HMGXB4: variants seen among roughly 807,000 people sequenced by gnomAD.
HMGXB4 encodes HMG-box containing 4.
HMGXB4 carries 27 observed loss-of-function variants against 63.9 expected under a neutral mutation model. That is an observed-to-expected ratio of 0.42 (90% confidence interval 0.31 to 0.58). The LOEUF is 0.58. HMGXB4 is among the 20% of genes least tolerant of loss of function. The pLI is 0.13. For missense variants in HMGXB4, 624 were observed against 700.7 expected, an observed-to-expected ratio of 0.89 and a Z score of 1.24; for synonymous variants, 264 against 265.3, an observed-to-expected ratio of 0.99 and a Z score of 0.05.
At chr22:35,263,771 T>C in intron 3 of HMGXB4, 25 bp from the exon 4 acceptor site, 1 of 1,535,776 alleles carries the variant, frequency 6.5e-7, no homozygotes, top group South Asian at 1.1e-5. Flanking sequence ...CATCTTATTA[T>C]TGGTCAATTC....
chr22:35,281,317 A>G (rs1373112633), intron 5 of HMGXB4, among the ~76,000 whole-genome samples: 1 of 152,222 alleles, frequency 6.6e-6, no homozygotes, highest in Non-Finnish European at 1.5e-5. Flanking sequence ...CTTCCTTAGA[A>G]TTAGATCTAG....
chr22:35,270,866 A>G (rs1200757273), intron 5 of HMGXB4, among the ~76,000 whole-genome samples: 1 of 152,242 alleles, frequency 6.6e-6, no homozygotes. Context: ...TATAGTGTAT[A>G]TACTGTGGTT....
At chr22:35,272,908 T>C (rs1433468448) in intron 5 of HMGXB4, among the ~76,000 whole-genome samples, 1 of 152,246 alleles carries the variant, frequency 6.6e-6, no homozygotes, top group Non-Finnish European at 1.5e-5. Flanking sequence ...CCCTCCAGCC[T>C]GGGCAACAGC....
intron 1 of HMGXB4, among the ~76,000 whole-genome samples, chr22:35,259,127 A>G (rs1382619120): frequency 6.6e-6 from 1 of 151,962 alleles, no homozygotes; most frequent in African/African-American, 2.4e-5. Flanking sequence ...GGAAAGAGCA[A>G]CTCTGCCCCC....
At chr22:35,245,457 T>G in the HMGXB4 span, among the ~76,000 whole-genome samples, 2 of 152,168 alleles carry the variant, frequency 1.3e-5, no homozygotes, top group South Asian at 4.1e-4. Context: ...ATCACGTTCA[T>G]AATTGCTCAC....
intron 1 of HMGXB4, among the ~76,000 whole-genome samples, chr22:35,260,375 G>C (rs1442108940): frequency 6.6e-6 from 1 of 152,170 alleles, no homozygotes; most frequent in East Asian, 1.9e-4. Flanking sequence ...GAGAGGATAT[G>C]CTGTTTTCAA....
chr22:35,293,808 C>T lies in HMGXB4; in HGVS notation c.*157C>T, dbSNP rs1925074754. 5 of 380,966 alleles carry T rather than the reference C, an allele frequency of 1.3e-5. No homozygotes were observed. The South Asian group carries it at 4.2e-4, about 32-fold the overall frequency. The allele number at this position is 380,966 out of a possible 1,614,324, so 23.6% of individuals were successfully genotyped here. On this transcript the variant is annotated 3_prime_UTR_variant, in exon 11 of 11. Coordinates refer to ENST00000216106, the MANE Select transcript of HMGXB4 (RefSeq NM_001003681.3). ...ATATATATATAATGTACAATATATA[C>T]ATAGACTGTAACTACTTTGCTTTTA...
chr22:35,288,678 T>C (rs1924740188), intron 9 of HMGXB4, among the ~76,000 whole-genome samples: 1 of 151,824 alleles, frequency 6.6e-6, no homozygotes. Flanking sequence ...CTGTAACTTA[T>C]TTTTATTTTT....
chr22:35,245,329 AT>A, the HMGXB4 span, among the ~76,000 whole-genome samples: 2,872 of 119,610 alleles, frequency 0.024, 100 homozygotes, highest in East Asian at 0.2. Flanking sequence ...GAAACTTTCT[AT>A]TTTTTTTTTT....
chr22:35,268,228 C>T (rs890016820), intron 5 of HMGXB4, among the ~76,000 whole-genome samples: 3 of 152,214 alleles, frequency 2.0e-5, no homozygotes, highest in Non-Finnish European at 4.4e-5. Context: ...TCTTGTACCC[C>T]TCTCCAATCC....
Position 35,287,377 on chromosome 22 carries a change from C to A in HMGXB4, c.1393C>A (p.His465Asn), listed in dbSNP as rs1255442978. ...IWKQKAQYLQ[H>N]KQNKAEATTV... ...GAAGCAAAAAGCTCAGTATCTGCAG[C>A]ACAAACAGAACAAAGCAGAAGCCAC... The change falls in exon 8 of 11, where the codon CAC (histidine) becomes AAC (asparagine). Residue 465 changes from histidine (H) to asparagine (N), a missense_variant. Physicochemically the swap from His to Asn is moderately conservative, Grantham distance 68. Transcript: ENST00000216106. 2.5e-6 allele frequency: 4 copies of A among 1,613,420 alleles called. No homozygotes were observed. The highest frequency in any genetic ancestry group is 2.5e-6 in the Non-Finnish European group (3 of 1,179,576).
At chr22:35,244,544 A>G in the HMGXB4 span, among the ~76,000 whole-genome samples, 18 of 152,260 alleles carry the variant, frequency 1.2e-4, 1 homozygote, top group Admixed American at 1.2e-3. Context: ...CTTAGCTCCC[A>G]CAGTTTAGCC....
rs1925198005 is a variant in HMGXB4, at chr22:35,295,293, C to T, written c.*1642C>T. On this transcript the variant is annotated 3_prime_UTR_variant, in exon 11 of 11. Coordinates refer to ENST00000216106, the MANE Select transcript of HMGXB4 (RefSeq NM_001003681.3). ...TGGCTGCTGAATCCCTTTCTCAGCTCAGAGCAGTTTTAAGATTTAATTGGG... is the reference window on the plus strand; with the variant it reads ...TGGCTGCTGAATCCCTTTCTCAGCTTAGAGCAGTTTTAAGATTTAATTGGG... 6.6e-6 allele frequency: 1 copy of T among 152,208 alleles called. No homozygotes were observed. Among genetic ancestry groups the T allele is most frequent in the Admixed American group, 6.5e-5 (1 of 15,284 alleles). 9.4% of individuals were successfully genotyped at this position (152,208 alleles called of 1,614,324 possible).
At chr22:35,293,245 A>G (rs1026509047) in intron 10 of HMGXB4, 131 bp downstream of exon 10, 3 of 1,000,004 alleles carry the variant, frequency 3.0e-6, no homozygotes, top group Non-Finnish European at 4.6e-6. Flanking sequence ...CCCATGGAAC[A>G]TGATGCTATA....
At position 35,264,501 on chromosome 22, in the gene HMGXB4, C is replaced by T. The variant is rs1421060919; in HGVS notation, c.260-147C>T. ...CAAGAAGCACAAGGGCATCATTTCT[C>T]AATGTTAGGAATCAGTTAAAGGGTC... On this transcript the variant is annotated intron_variant, in intron 4 of 10. Coordinates refer to ENST00000216106, the MANE Select transcript of HMGXB4 (RefSeq NM_001003681.3). 5 of 640,938 alleles carry T rather than the reference C, an allele frequency of 7.8e-6. No individual in the cohort carries two copies. The Admixed American group carries it at 1.1e-4, about 14-fold the overall frequency. The allele number at this position is 640,938 out of a possible 1,614,324, so 39.7% of individuals were successfully genotyped here.
Position 35,265,140 on chromosome 22 carries a change from A to C in HMGXB4, c.752A>C (p.Lys251Thr). 6.2e-7 allele frequency: 1 copy of C among 1,614,166 alleles called. No individual in the cohort carries two copies. Among genetic ancestry groups the C allele is most frequent in the Non-Finnish European group, 8.5e-7 (1 of 1,180,036 alleles). The change falls in exon 5 of 11, where the codon AAG (lysine) becomes ACG (threonine). Residue 251 changes from lysine to threonine, a missense_variant. Physicochemically the swap from Lys to Thr is moderately conservative, Grantham distance 78. Around this residue, in one of 2 missense-constraint regions of HMGXB4, gnomAD observed 472 missense variants for 470.6 expected, o/e 1.00. Transcript: ENST00000216106. ...AGCTTTCTGAAAACAGCCCGGAAAA[A>C]GCACAAGTCATCCTCAGACGCACAT... ...LQSFLKTARK[K>T]HKSSSDAHSS...
intron 9 of HMGXB4, among the ~76,000 whole-genome samples, chr22:35,290,146 G>C (rs1234854761): frequency 6.6e-6 from 1 of 152,098 alleles, no homozygotes; most frequent in Non-Finnish European, 1.5e-5. Flanking sequence ...TTATTTTTCA[G>C]ATTTAATCAT....
At chr22:35,293,524 A>C (rs1436397116) in intron 10 of HMGXB4, 83 bp from the exon 11 acceptor site, 30 of 909,528 alleles carry the variant, frequency 3.3e-5, no homozygotes, top group Non-Finnish European at 4.9e-5. Context: ...GATTTTTCTT[A>C]TCTCTCTCCT....
At chr22:35,276,185 C>A (rs1316960294) in intron 5 of HMGXB4, among the ~76,000 whole-genome samples, 1 of 152,146 alleles carries the variant, frequency 6.6e-6, no homozygotes, top group Non-Finnish European at 1.5e-5. Context: ...TAAGTCAGCA[C>A]GTGAGGCGAA....
Sources: allele counts gnomAD v4.1 joint callset (sites outside exome capture counted in the v4.1 genomes callset), GRCh38; gene constraint gnomAD v4.1.1; regional missense constraint gnomAD v4.1.1; transcripts MANE v1.5; gene names NCBI Gene and HGNC (gene_info 2026-07-23, HGNC 2026-07-21).